OCLN: variants seen among roughly 807,000 people sequenced by gnomAD.
The protein encoded by OCLN is occludin.
OCLN carries 21 observed loss-of-function variants against 47.9 expected under a neutral mutation model. The observed-to-expected ratio is 0.44, with a 90% confidence interval of 0.31 to 0.63. The LOEUF (loss-of-function observed/expected upper bound fraction) is 0.63. Among genes scored for constraint, OCLN ranks in the 30% least tolerant of loss-of-function variants. The probability of loss-of-function intolerance (pLI) is 0.08; values close to 1 mark genes in which losing one functional copy is unlikely to be tolerated. For synonymous variants in OCLN, 117 were observed against 198.4 expected, an observed-to-expected ratio of 0.59 and a Z score of 3.45; for missense variants, 360 against 571.0, an observed-to-expected ratio of 0.63 and a Z score of 3.77.
chr5:69,510,575 C>G (rs1437900998), intron 3 of OCLN, among the ~76,000 whole-genome samples: 3 of 152,068 alleles, frequency 2.0e-5, no homozygotes, highest in Non-Finnish European at 2.9e-5. Flanking sequence ...CCCAGCTACT[C>G]GGGAGGCTCA....
Position 69,521,712 on chromosome 5 carries a change from G to T in OCLN, c.891+7603G>T, listed in dbSNP as rs368173686. Among the ~76,000 whole-genome samples, 22 of 152,206 alleles carry T rather than the reference G, an allele frequency of 1.4e-4. No individual in the cohort carries two copies. In the East Asian group the frequency reaches 4.1e-3, roughly 28 times the overall value. On this transcript the variant is annotated intron_variant, in intron 4 of 8. Coordinates refer to ENST00000396442, the MANE Select transcript of OCLN (RefSeq NM_001205254.2). ...TCTGCAGATTCTACTAACCCTGATGGTATATGAAATTGCTCAGTTCCCAAC... is the reference window on the plus strand; with the variant it reads ...TCTGCAGATTCTACTAACCCTGATGTTATATGAAATTGCTCAGTTCCCAAC...
intron 3 of OCLN, among the ~76,000 whole-genome samples, chr5:69,511,584 T>A (rs566395261): frequency 1.1e-4 from 16 of 152,104 alleles, no homozygotes; most frequent in South Asian, 8.3e-4. Context: ...GATAATTTTT[T>A]AAAAAATTTT....
At position 69,554,567 on chromosome 5, in the gene OCLN, A is replaced by G. The variant is rs1016926994; in HGVS notation, c.*896A>G. The G allele has an allele frequency of 9.2e-5, 14 of 151,932 alleles. 1 individual carries two copies. Among genetic ancestry groups the G allele is most frequent in the Non-Finnish European group, 1.9e-4 (13 of 68,008 alleles). The allele number at this position is 151,932 out of a possible 1,614,324, so 9.4% of individuals were successfully genotyped here. A position where few individuals can be genotyped will look rare whatever the true frequency, so the allele number is the denominator to read the frequency against. On this transcript the variant is annotated 3_prime_UTR_variant, in exon 9 of 9. Coordinates refer to ENST00000396442, the MANE Select transcript of OCLN (RefSeq NM_001205254.2). ...GTATTAAACCTGGTGTTTTCTTTCC[A>G]TAATAACCTGTTTGATGTTATTAGT...
rs1019031254 is a variant in OCLN at position 69,511,952 on chromosome 5, G to A, written c.730-1996G>A. ...GCAGGAGAATCACTTGAACCCAGGAGGTGGAGGTTGCAGTGAGCTGAAATT... is the reference window on the plus strand; with the variant it reads ...GCAGGAGAATCACTTGAACCCAGGAAGTGGAGGTTGCAGTGAGCTGAAATT... On this transcript the variant is annotated intron_variant, in intron 3 of 8. Coordinates refer to ENST00000396442, the MANE Select transcript of OCLN (RefSeq NM_001205254.2). 2.0e-5 allele frequency among the ~76,000 whole-genome samples: 3 copies of A among 151,740 alleles called. No individual in the cohort carries two copies. In the East Asian group the frequency reaches 5.8e-4, roughly 30 times the overall value.
At chr5:69,549,844 G>T (rs1227932335) in intron 7 of OCLN, among the ~76,000 whole-genome samples, 1 of 150,188 alleles carries the variant, frequency 6.7e-6, no homozygotes, top group South Asian at 2.1e-4. Context: ...AATTGTTCTC[G>T]CTTTGACGGT....
intron 4 of OCLN, among the ~76,000 whole-genome samples, chr5:69,529,414 C>A (rs929493555): frequency 1.3e-5 from 2 of 152,160 alleles, no homozygotes; most frequent in Non-Finnish European, 2.9e-5. Context: ...CTCATAATTA[C>A]CTCTTGTGAA....
chr5:69,528,783 G>T (rs1336122714), intron 4 of OCLN, among the ~76,000 whole-genome samples: 1 of 152,128 alleles, frequency 6.6e-6, no homozygotes, highest in African/African-American at 2.4e-5. Flanking sequence ...ACGAAGTCGG[G>T]TTTGCCTGGC....
intron 3 of OCLN, among the ~76,000 whole-genome samples, chr5:69,513,557 C>A (rs1768843448): frequency 6.6e-6 from 1 of 152,264 alleles, no homozygotes; most frequent in South Asian, 2.1e-4. Context: ...ATTTTTCAGG[C>A]CCTTTAGAAG....
At chr5:69,518,532 A>G (rs1334200546) in intron 4 of OCLN, among the ~76,000 whole-genome samples, 1 of 152,184 alleles carries the variant, frequency 6.6e-6, no homozygotes, top group Non-Finnish European at 1.5e-5. Context: ...GCGGAATTCA[A>G]TACCACGTTC....
chr5:69,523,246 T>G (rs1465639757), intron 4 of OCLN, among the ~76,000 whole-genome samples: 3 of 152,222 alleles, frequency 2.0e-5, no homozygotes, highest in Non-Finnish European at 4.4e-5. Flanking sequence ...ATTTTACAAT[T>G]TTTGGTGAAA....
intron 1 of OCLN, among the ~76,000 whole-genome samples, chr5:69,494,339 A>G (rs997137900): frequency 1.3e-5 from 2 of 152,134 alleles, no homozygotes; most frequent in Non-Finnish European, 2.9e-5. Context: ...GGCACCCACT[A>G]GTATGCACAG....
In OCLN at chr5:69,536,823, C is replaced by A. The variant is rs181335305; in HGVS notation, c.1037+1984C>A. Among the ~76,000 whole-genome samples, 436 of 152,246 alleles carry A rather than the reference C, an allele frequency of 2.9e-3. 1 individual carries two copies. Among genetic ancestry groups the A allele is most frequent in the African/African-American group, 0.01 (422 of 41,530 alleles). Reference sequence around the variant, plus strand: ...GTCTACTAAAAGTACGAAAAATTAGCCGGGCATGGTGGCGGGTGCCTGTAG... The same window carrying A: ...GTCTACTAAAAGTACGAAAAATTAGACGGGCATGGTGGCGGGTGCCTGTAG... On this transcript the variant is annotated intron_variant, in intron 5 of 8. Coordinates refer to ENST00000396442, the MANE Select transcript of OCLN (RefSeq NM_001205254.2).
At chr5:69,526,065 A>G (rs1769270463) in intron 4 of OCLN, among the ~76,000 whole-genome samples, 1 of 152,220 alleles carries the variant, frequency 6.6e-6, no homozygotes, top group African/African-American at 2.4e-5. Context: ...GGTCTGCAAC[A>G]TAGAAGAGAA....
At chr5:69,525,077 G>C (rs1769239898) in intron 4 of OCLN, among the ~76,000 whole-genome samples, 1 of 151,892 alleles carries the variant, frequency 6.6e-6, no homozygotes, top group Admixed American at 6.6e-5. Context: ...CTGGGATGCA[G>C]CGTTTGTGAG....
At position 69,555,093 on chromosome 5, in the gene OCLN, G is replaced by T. The variant is rs1769939639; in HGVS notation, c.*1422G>T. 1.5e-5 allele frequency: 2 copies of T among 135,610 alleles called. No individual in the cohort carries two copies. The allele number at this position is 135,610 out of a possible 1,614,324, so 8.4% of individuals were successfully genotyped here. On this transcript the variant is annotated 3_prime_UTR_variant, in exon 9 of 9. Transcript: ENST00000396442. ...TGAGACTACAGGTGCCCATCACCAT[G>T]CGTGGCTAATTTTTGTATTTTTAAT... is the stretch of plus-strand genomic sequence containing the variant.
chr5:69,553,833 C>T lies in OCLN; in HGVS notation c.*162C>T, dbSNP rs910456392. On this transcript the variant is annotated 3_prime_UTR_variant, in exon 9 of 9. Transcript: ENST00000396442. ...ATCAGTATTGAAGCATTTTATAAAT[C>T]GCTTTTGATAATCAACTGGGCTGAA... is the stretch of plus-strand genomic sequence containing the variant. The T allele has an allele frequency of 5.8e-5, 57 of 978,372 alleles. No individual in the cohort carries two copies. The highest frequency in any genetic ancestry group is 6.1e-4 in the Middle Eastern group (2 of 3,274). 60.6% of individuals were successfully genotyped at this position (978,372 alleles called of 1,614,324 possible). A position where few individuals can be genotyped will look rare whatever the true frequency, so the allele number is the denominator to read the frequency against.
At chr5:69,523,424 C>T (rs936238544) in intron 4 of OCLN, among the ~76,000 whole-genome samples, 1 of 151,970 alleles carries the variant, frequency 6.6e-6, no homozygotes, top group Non-Finnish European at 1.5e-5. Context: ...AAAGCATTTT[C>T]ATCCACATGC....
At chr5:69,502,908 A>G (rs1480656475) in intron 1 of OCLN, among the ~76,000 whole-genome samples, 1 of 152,204 alleles carries the variant, frequency 6.6e-6, no homozygotes, top group Non-Finnish European at 1.5e-5. Flanking sequence ...GTGTTTCCCA[A>G]ATGGAACTCA....
chr5:69,492,789 C>T (rs1429274916), upstream of OCLN: 2 of 152,542 alleles, frequency 1.3e-5, no homozygotes, highest in African/African-American at 4.8e-5. Flanking sequence ...GTCCCCAGCC[C>T]AGTCCCCGGC....
Sources: gnomAD v4.1 joint callset for allele counts (sites outside exome capture counted in the v4.1 genomes callset) on GRCh38, gnomAD v4.1.1 for gene constraint, MANE v1.5 for transcripts, NCBI Gene and HGNC (gene_info 2026-07-23, HGNC 2026-07-21) for gene names.